The following ADGRL3 variants were observed in gnomAD, a reference collection of about 807,000 sequenced individuals.
ADGRL3 encodes the protein adhesion G protein-coupled receptor L3.
ADGRL3 carries 62 observed loss-of-function variants against 153.5 expected under a neutral mutation model. The observed-to-expected ratio is 0.40, with a 90% CI of 0.33 to 0.50. The LOEUF (loss-of-function observed/expected upper bound fraction) is 0.50, where lower values mean the gene tolerates loss of function less well. Among genes scored for constraint, ADGRL3 ranks in the 20% least tolerant of loss-of-function variants. The pLI, the probability that ADGRL3 is intolerant of heterozygous loss-of-function variation, is 0.47. For missense variants in ADGRL3, 1,641 were observed against 1,859.4 expected (o/e 0.88, Z 2.16); for synonymous variants, 710 against 672.5 (o/e 1.06, Z -0.86).
Position 61,733,492 on chromosome 4 carries a change from T to C in ADGRL3, c.1337T>C (p.Val446Ala). The C allele has an allele frequency of 1.2e-6, 2 of 1,613,712 alleles. No individual in the cohort carries two copies. Among genetic ancestry groups the C allele is most frequent in the African/African-American group, 1.3e-5 (1 of 75,040 alleles). Reference sequence around the variant, plus strand: ...AACCCCAGGGACAACCTACTTTATGTATGGAATAACTATCACGTCGTGAAA... The same window carrying C: ...AACCCCAGGGACAACCTACTTTATGCATGGAATAACTATCACGTCGTGAAA... Reference protein sequence around the residue: ...DYNPRDNLLYVWNNYHVVKYS... With the variant: ...DYNPRDNLLYAWNNYHVVKYS... The change falls in exon 8 of 27, where the codon GTA (valine) becomes GCA (alanine). Residue 446 changes from valine to alanine, a missense_variant. Physicochemically the swap from Val to Ala is moderately conservative, Grantham distance 64. This residue lies in a region of ADGRL3 where 734 missense variants were observed against 797.0 expected (regional missense o/e 0.92). Transcript: ENST00000683033.
At chr4:61,348,346 CTTTA>C (rs1355530993) in intron 1 of ADGRL3, among the ~76,000 whole-genome samples, 7 of 151,922 alleles carry the variant, frequency 4.6e-5, no homozygotes, top group Admixed American at 1.3e-4. Flanking sequence ...TAATCTTTGT[CTTTA>C]TTTAAGAAAA....
rs2097236150 is a variant in ADGRL3 at position 61,783,236 on chromosome 4, T to A, written c.1400-30573T>A. ...TGTGACTCATTTTGGGATTTCATTA[T>A]GATTGTGGCAGATGATGTTACTTTA... On this transcript the variant is annotated intron_variant, in intron 8 of 26. Coordinates refer to ENST00000683033, the MANE Select transcript of ADGRL3 (RefSeq NM_001387552.1). Among the ~76,000 whole-genome samples, 5 of 152,264 alleles carry A rather than the reference T, an allele frequency of 3.3e-5. No individual in the cohort carries two copies. The South Asian group carries it at 1.0e-3, about 32-fold the overall frequency.
At chr4:61,430,871 G>A (rs2152410629) in intron 2 of ADGRL3, among the ~76,000 whole-genome samples, 1 of 152,272 alleles carries the variant, frequency 6.6e-6, no homozygotes, top group Middle Eastern at 3.4e-3. Context: ...ATTAAGGATA[G>A]TAGAGGTTTA....
At chr4:61,484,745 T>G (rs1233740848) in intron 2 of ADGRL3, among the ~76,000 whole-genome samples, 2 of 152,190 alleles carry the variant, frequency 1.3e-5, no homozygotes, top group Non-Finnish European at 2.9e-5. Context: ...GGTATAATTA[T>G]GAAGAACTTC....
rs571935576 is a variant in ADGRL3, at chr4:61,486,408, A to T, written c.-173-10713A>T. Among the ~76,000 whole-genome samples, 102 of 152,208 alleles carry T rather than the reference A, an allele frequency of 6.7e-4. 3 individuals carry two copies. The highest frequency in any genetic ancestry group is 6.3e-3 in the Admixed American group (96 of 15,274). On this transcript the variant is annotated intron_variant, in intron 2 of 26. Transcript: ENST00000683033. Reference sequence around the variant, plus strand: ...GATGCGATATATTGTCACAATTATCAATCATGAACTACTCAGGTGATTTTA... The same window carrying T: ...GATGCGATATATTGTCACAATTATCTATCATGAACTACTCAGGTGATTTTA...
chr4:61,893,252 A>G (rs2098602855), intron 10 of ADGRL3, among the ~76,000 whole-genome samples: 1 of 151,716 alleles, frequency 6.6e-6, no homozygotes, highest in Non-Finnish European at 1.5e-5. Context: ...TATTTTCCAG[A>G]GTTTGAAAAT....
intron 5 of ADGRL3, among the ~76,000 whole-genome samples, chr4:61,637,771 A>G (rs933501463): frequency 2.6e-5 from 4 of 152,078 alleles, no homozygotes; most frequent in Non-Finnish European, 5.9e-5. Flanking sequence ...CCCACCCCCC[A>G]AAAACGTCAA....
intron 5 of ADGRL3, among the ~76,000 whole-genome samples, chr4:61,669,503 A>T (rs1025694753): frequency 2.0e-5 from 3 of 152,178 alleles, no homozygotes; most frequent in African/African-American, 7.2e-5. Context: ...AGTTACTGTG[A>T]TCACCTAAAC....
chr4:61,798,066 T>C (rs1254464027), intron 8 of ADGRL3, among the ~76,000 whole-genome samples: 2 of 152,204 alleles, frequency 1.3e-5, no homozygotes, highest in Non-Finnish European at 2.9e-5. Context: ...TTGATCTTTA[T>C]TTTTCAATTC....
At chr4:62,033,581 G>C (rs905789452) in intron 23 of ADGRL3, among the ~76,000 whole-genome samples, 2 of 151,708 alleles carry the variant, frequency 1.3e-5, no homozygotes, top group East Asian at 3.9e-4. Context: ...GTCTAGATTT[G>C]GATAGAAGAA....
chr4:61,806,214 G>C (rs912520930), intron 8 of ADGRL3, among the ~76,000 whole-genome samples: 5 of 152,028 alleles, frequency 3.3e-5, no homozygotes, highest in Admixed American at 6.6e-5. Context: ...AGTCATCACT[G>C]AATGTTTTCA....
chr4:61,658,150 C>G (rs2094493508), intron 5 of ADGRL3, among the ~76,000 whole-genome samples: 1 of 152,154 alleles, frequency 6.6e-6, no homozygotes, highest in Admixed American at 6.5e-5. Flanking sequence ...ACCTTATTCC[C>G]TCCCTCCTTT....
At chr4:61,581,334 T>C (rs932191347) in intron 4 of ADGRL3, among the ~76,000 whole-genome samples, 5 of 152,010 alleles carry the variant, frequency 3.3e-5, no homozygotes, top group Admixed American at 2.0e-4. Context: ...TACATGCTTG[T>C]TCATACATTA....
At chr4:61,469,067 A>G (rs1229455450) in intron 2 of ADGRL3, among the ~76,000 whole-genome samples, 5 of 152,036 alleles carry the variant, frequency 3.3e-5, no homozygotes, top group African/African-American at 9.7e-5. Flanking sequence ...TTAGAATATT[A>G]GAATTTTCTA....
intron 1 of ADGRL3, among the ~76,000 whole-genome samples, chr4:61,224,229 C>T (rs1038663561): frequency 3.9e-5 from 6 of 151,962 alleles, no homozygotes; most frequent in African/African-American, 1.4e-4. Flanking sequence ...GTTTATTTAT[C>T]CATAGCTAAA....
chr4:61,642,010 T>C (rs2150187301), intron 5 of ADGRL3, among the ~76,000 whole-genome samples: 1 of 150,784 alleles, frequency 6.6e-6, no homozygotes, highest in East Asian at 2.0e-4. Context: ...CTCATTGTGG[T>C]TTTGATTTGC....
chr4:61,859,864 A>G (rs974508998), intron 9 of ADGRL3, among the ~76,000 whole-genome samples: 2 of 152,212 alleles, frequency 1.3e-5, no homozygotes, highest in Non-Finnish European at 2.9e-5. Context: ...GAAACAAGTC[A>G]GTGCCTAGTT....
chr4:61,297,245 C>G (rs1238211282), intron 1 of ADGRL3, among the ~76,000 whole-genome samples: 1 of 152,046 alleles, frequency 6.6e-6, no homozygotes, highest in Non-Finnish European at 1.5e-5. Flanking sequence ...AAAAACATTA[C>G]TAAATAGATC....
At chr4:61,643,244 T>C (rs975389410) in intron 5 of ADGRL3, among the ~76,000 whole-genome samples, 2 of 151,944 alleles carry the variant, frequency 1.3e-5, no homozygotes, top group African/African-American at 4.8e-5. Context: ...ACAGGGACAA[T>C]TTGACTTCCT....
Sources: gnomAD v4.1 joint callset for allele counts (sites outside exome capture counted in the v4.1 genomes callset) on GRCh38, gnomAD v4.1.1 for gene constraint, gnomAD v4.1.1 regional missense constraint, MANE v1.5 for transcripts, NCBI Gene and HGNC (gene_info 2026-07-23, HGNC 2026-07-21) for gene names.